Variants in MTSS1 observed in about 807,000 individuals in gnomAD.
MTSS1 encodes the protein MTSS I-BAR domain containing 1.
In MTSS1, 18 loss-of-function variants were observed where a neutral mutation model predicts 79.0. That is an observed-to-expected ratio of 0.23 (90% CI 0.16 to 0.34). The LOEUF is 0.34. Among genes scored for constraint, MTSS1 ranks in the 10% least tolerant of loss-of-function variants. MTSS1 has a pLI of 1.00. For synonymous variants in MTSS1, 341 were observed against 368.6 expected (o/e 0.93, Z 0.86); for missense variants, 815 against 986.2 (o/e 0.83, Z 2.33).
At chr8:124,605,125 G>A (rs1834565540) in intron 3 of MTSS1, among the ~76,000 whole-genome samples, 1 of 152,128 alleles carries the variant, frequency 6.6e-6, no homozygotes, top group African/African-American at 2.4e-5. Flanking sequence ...CACCCTGTGG[G>A]GGTGTCACCT....
chr8:124,713,222 G>C (rs570125731), intron 1 of MTSS1, among the ~76,000 whole-genome samples: 89 of 152,196 alleles, frequency 5.8e-4, no homozygotes, highest in Non-Finnish European at 1.1e-3. Context: ...TACCACTGCA[G>C]AAAGTTCTAT....
intron 3 of MTSS1, among the ~76,000 whole-genome samples, chr8:124,591,834 G>A (rs1309971416): frequency 6.6e-6 from 1 of 152,066 alleles, no homozygotes; most frequent in Non-Finnish European, 1.5e-5. Flanking sequence ...AGGCTGGAGT[G>A]CAGTGGTGCA....
chr8:124,580,202 C>CATAT (rs1311291398), intron 6 of MTSS1: 2 of 230,546 alleles, frequency 8.7e-6, no homozygotes, highest in African/African-American at 4.5e-5. Flanking sequence ...TACATACATA[C>CATAT]ATACGCAGGT....
At chr8:124,639,230 C>T (rs988084182) in intron 3 of MTSS1, among the ~76,000 whole-genome samples, 4 of 151,980 alleles carry the variant, frequency 2.6e-5, no homozygotes, top group Admixed American at 6.6e-5. Context: ...CTGAGTTACT[C>T]GGGAGGCTGC....
At chr8:124,646,086 A>C (rs1352043983) in intron 3 of MTSS1, among the ~76,000 whole-genome samples, 1 of 151,208 alleles carries the variant, frequency 6.6e-6, no homozygotes, top group Non-Finnish European at 1.5e-5. Flanking sequence ...TATTCAACTC[A>C]TTTTTTAAAG....
intron 3 of MTSS1, among the ~76,000 whole-genome samples, chr8:124,620,786 T>C (rs1813345945): frequency 6.6e-6 from 1 of 152,208 alleles, no homozygotes; most frequent in South Asian, 2.1e-4. Flanking sequence ...ATGAGGATTT[T>C]AAAACATCTT....
chr8:124,706,463 CT>C (rs1407291994), intron 1 of MTSS1, among the ~76,000 whole-genome samples: 1 of 152,252 alleles, frequency 6.6e-6, no homozygotes, highest in African/African-American at 2.4e-5. Flanking sequence ...ACTCTAAAGT[CT>C]GTTTCACGCA....
chr8:124,610,908 T>G (rs1355326151), intron 3 of MTSS1, among the ~76,000 whole-genome samples: 1 of 152,124 alleles, frequency 6.6e-6, no homozygotes, highest in African/African-American at 2.4e-5. Flanking sequence ...AGTTTCCAAT[T>G]CTAGCCATTC....
At chr8:124,631,596 T>C (rs774699546) in intron 3 of MTSS1, among the ~76,000 whole-genome samples, 5 of 152,174 alleles carry the variant, frequency 3.3e-5, no homozygotes, top group African/African-American at 1.2e-4. Context: ...AGTCTGAGCA[T>C]CTCTGGCACT....
chr8:124,647,878 C>G (rs1201600033), intron 3 of MTSS1, among the ~76,000 whole-genome samples: 2 of 152,350 alleles, frequency 1.3e-5, no homozygotes, highest in African/African-American at 4.8e-5. Context: ...GAGCCACCTA[C>G]AGGTCCCCAT....
rs560600900 is a variant in MTSS1, at chr8:124,657,134, T to C, written c.208+42392A>G. Among the ~76,000 whole-genome samples the C allele has an allele frequency of 1.0e-3, 152 of 152,344 alleles. 1 individual carries two copies. The South Asian group carries it at 0.031, about 31-fold the overall frequency. On this transcript the variant is annotated intron_variant, in intron 3 of 13. Transcript: ENST00000518547. ...AGAAGTGGTAATGGTATTGTGGTTATGGGTTGGTCTTGTTGTTGTTTTTAG... is the reference window on the plus strand; with the variant it reads ...AGAAGTGGTAATGGTATTGTGGTTACGGGTTGGTCTTGTTGTTGTTTTTAG...
intron 3 of MTSS1, among the ~76,000 whole-genome samples, chr8:124,594,301 C>T (rs1832371289): frequency 6.6e-6 from 1 of 152,136 alleles, no homozygotes. Flanking sequence ...AAGGCTGAGG[C>T]GGGCGGATCA....
chr8:124,585,843 A>C (rs1309307750), intron 5 of MTSS1, among the ~76,000 whole-genome samples: 1 of 152,188 alleles, frequency 6.6e-6, no homozygotes, highest in Non-Finnish European at 1.5e-5. Context: ...AACAAAAAAC[A>C]AAAAACCCCT....
chr8:124,690,263 T>C (rs914661853), intron 3 of MTSS1, among the ~76,000 whole-genome samples: 2 of 152,126 alleles, frequency 1.3e-5, no homozygotes, highest in African/African-American at 2.4e-5. Context: ...TCAAGTATCA[T>C]CTGGGGAAAT....
At chr8:124,650,572 T>C (rs1027197494) in intron 3 of MTSS1, among the ~76,000 whole-genome samples, 4 of 152,132 alleles carry the variant, frequency 2.6e-5, no homozygotes, top group Non-Finnish European at 4.4e-5. Context: ...TCCCCTGACA[T>C]TTGCAAATGG....
chr8:124,558,668 G>A lies in MTSS1; in HGVS notation c.1036-793C>T, dbSNP rs1466558648. 5 of 1,495,810 alleles carry A rather than the reference G, an allele frequency of 3.3e-6. No homozygotes were observed. In the South Asian group the frequency reaches 3.8e-5, roughly 11 times the overall value. 92.7% of individuals were successfully genotyped at this position (1,495,810 alleles called of 1,614,324 possible). On this transcript the variant is annotated intron_variant, in intron 10 of 13. Transcript: ENST00000518547. ...GGGCTGTCTGAGCAGCAGGCAGGGG[G>A]ACCAGGGAGAGTGGGGCCGCTGTGG...
intron 3 of MTSS1, 111 bp downstream of exon 3, chr8:124,699,415 A>G: frequency 1.1e-6 from 1 of 906,240 alleles, no homozygotes. Flanking sequence ...GGAAAATACG[A>G]GTCAGCTCAG....
At chr8:124,699,461 AC>A (rs1829381605) in intron 3 of MTSS1, 64 bp downstream of exon 3, 3 of 1,438,136 alleles carry the variant, frequency 2.1e-6, no homozygotes, top group Admixed American at 3.4e-5. Flanking sequence ...TTGTGCAGCC[AC>A]CCAAGGGGAA....
chr8:124,637,775 A>C (rs1410784042), intron 3 of MTSS1, among the ~76,000 whole-genome samples: 1 of 152,164 alleles, frequency 6.6e-6, no homozygotes, highest in African/African-American at 2.4e-5. Context: ...CCCACAAGCT[A>C]AACAGCTGTT....
Sources: allele counts gnomAD v4.1 joint callset (sites outside exome capture counted in the v4.1 genomes callset), GRCh38; gene constraint gnomAD v4.1.1; transcripts MANE v1.5; gene names NCBI Gene and HGNC (gene_info 2026-07-23, HGNC 2026-07-21).